COMMD1: variants seen among roughly 807,000 people sequenced by gnomAD.
The protein encoded by COMMD1 is COMM domain-containing protein 1.
Under a neutral mutation model 17.2 loss-of-function variants are expected in COMMD1, and 10 were observed. That is an observed-to-expected ratio of 0.58 (90% CI 0.36 to 0.99). The LOEUF (loss-of-function observed/expected upper bound fraction) is 0.99, where lower values mean the gene tolerates loss of function less well. Ranked by LOEUF, COMMD1 falls within the 50% of genes least tolerant of loss-of-function variation. The pLI, the probability that COMMD1 is intolerant of heterozygous loss-of-function variation, is 0.01. For missense variants in COMMD1, 270 were observed against 231.8 expected, an observed-to-expected ratio of 1.17 and a Z score of -1.07; for synonymous variants, 97 against 91.6, an observed-to-expected ratio of 1.06 and a Z score of -0.34.
At chr2:62,066,915 AG>A (rs1279411568) in intron 2 of COMMD1, among the ~76,000 whole-genome samples, 6 of 151,508 alleles carry the variant, frequency 4.0e-5, no homozygotes, top group African/African-American at 1.5e-4. Context: ...TAGTAGAGAC[AG>A]GGTTTCACCA....
At chr2:61,958,172 C>G (rs1311102469) in intron 1 of COMMD1, among the ~76,000 whole-genome samples, 1 of 151,948 alleles carries the variant, frequency 6.6e-6, no homozygotes, top group East Asian at 1.9e-4. Context: ...GATCCTCTTT[C>G]TCCTCCCACT....
intron 1 of COMMD1, among the ~76,000 whole-genome samples, chr2:61,919,540 C>A (rs550369845): frequency 6.9e-6 from 1 of 145,838 alleles, no homozygotes; most frequent in Non-Finnish European, 1.5e-5. Flanking sequence ...CAGGCTTCAT[C>A]GCGTTTTTTT....
At position 62,000,891 on chromosome 2, in the gene COMMD1, G is replaced by T; in HGVS notation, c.371G>T (p.Trp124Leu). 6.2e-7 allele frequency: 1 copy of T among 1,614,136 alleles called. No homozygotes were observed. The highest frequency in any genetic ancestry group is 8.5e-7 in the Non-Finnish European group (1 of 1,180,016). ...RWNSGLRGLS[W>L]RVDGKSQSRH... ...AATAGCGGGCTTCGGGGCCTGAGCTGGAGAGTTGATGGCAAGTCTCAGTCA... is the reference window on the plus strand; with the variant it reads ...AATAGCGGGCTTCGGGGCCTGAGCTTGAGAGTTGATGGCAAGTCTCAGTCA... Residue 124 changes from tryptophan to leucine, a missense_variant, in exon 2 of 3, where the codon TGG becomes TTG. By Grantham distance (61) the Trp-to-Leu change is moderately conservative (BLOSUM62 -2). Coordinates refer to ENST00000311832, the MANE Select transcript of COMMD1 (RefSeq NM_152516.4).
chr2:61,940,209 G>T (rs1670707140), intron 1 of COMMD1, among the ~76,000 whole-genome samples: 2 of 152,092 alleles, frequency 1.3e-5, no homozygotes. Context: ...TATTTTGTGG[G>T]CTAAGGCAAT....
chr2:62,061,554 C>CTTTTTTTTTTTTTTTTTT (rs57638195), intron 2 of COMMD1, among the ~76,000 whole-genome samples: 1 of 131,540 alleles, frequency 7.6e-6, no homozygotes. Context: ...TCTTTCTTTT[C>CTTTTTTTTTTTTTTTTTT]TTTTTTTTTT....
intron 2 of COMMD1, among the ~76,000 whole-genome samples, chr2:62,069,166 T>C (rs139381952): frequency 1.3e-5 from 2 of 152,294 alleles, no homozygotes; most frequent in East Asian, 3.9e-4. Context: ...ATTTTGGCTT[T>C]TTTTTTGTTT....
At position 62,080,307 on chromosome 2, in the gene COMMD1, A is replaced by G. The variant is rs1280867088; in HGVS notation, c.463-55524A>G. On this transcript the variant is annotated intron_variant, in intron 2 of 2. Transcript: ENST00000311832. ...GTCTCTACAAAAATAAAAAATAAAA[A>G]AAGAGATGAATACTGGCAATGTGCC... Among the ~76,000 whole-genome samples the G allele has an allele frequency of 2.0e-5, 3 of 152,318 alleles. No individual in the cohort carries two copies. The South Asian group carries it at 6.2e-4, about 32-fold the overall frequency.
intron 1 of COMMD1, among the ~76,000 whole-genome samples, chr2:61,966,600 A>G (rs935703784): frequency 2.0e-5 from 3 of 152,074 alleles, no homozygotes. Flanking sequence ...GTAATGTCCT[A>G]GGTCATCAGA....
At chr2:62,026,874 A>G (rs1669772413) in intron 2 of COMMD1, among the ~76,000 whole-genome samples, 1 of 152,220 alleles carries the variant, frequency 6.6e-6, no homozygotes, top group African/African-American at 2.4e-5. Context: ...AAACATATGT[A>G]TATGTGTATT....
At chr2:61,954,688 T>TC (rs1491400154) in intron 1 of COMMD1, among the ~76,000 whole-genome samples, 9 of 145,712 alleles carry the variant, frequency 6.2e-5, no homozygotes, top group African/African-American at 9.9e-5. Context: ...TCTCTCTCTC[T>TC]TTTTTTTTTT....
intron 1 of COMMD1, among the ~76,000 whole-genome samples, chr2:61,918,264 TTTAG>T (rs1457351140): frequency 1.3e-5 from 2 of 152,240 alleles, no homozygotes; most frequent in African/African-American, 4.8e-5. Flanking sequence ...ATATATTCCT[TTTAG>T]TTCTCTAGTT....
intron 2 of COMMD1, among the ~76,000 whole-genome samples, chr2:62,069,147 A>G (rs1263996215): frequency 6.6e-6 from 1 of 152,034 alleles, no homozygotes; most frequent in African/African-American, 2.4e-5. Context: ...TATTAACTTC[A>G]GATTTTTTAT....
intron 1 of COMMD1, among the ~76,000 whole-genome samples, chr2:61,970,350 G>A (rs559932518): frequency 1.4e-4 from 21 of 151,922 alleles, no homozygotes; most frequent in Admixed American, 2.6e-4. Context: ...AGGATATACA[G>A]TTGTCCCTTG....
chr2:62,025,294 G>A (rs559661754), intron 2 of COMMD1, among the ~76,000 whole-genome samples: 44 of 151,900 alleles, frequency 2.9e-4, no homozygotes, highest in African/African-American at 5.8e-4. Context: ...GGGAGGTTGA[G>A]GCAGGAGGAT....
intron 2 of COMMD1, among the ~76,000 whole-genome samples, chr2:62,009,624 A>T (rs917717011): frequency 6.6e-6 from 1 of 151,502 alleles, no homozygotes; most frequent in Non-Finnish European, 1.5e-5. Flanking sequence ...AAAAAGAAAG[A>T]ATAAGAAATT....
intron 1 of COMMD1, among the ~76,000 whole-genome samples, chr2:61,932,432 C>G (rs960829808): frequency 1.3e-5 from 2 of 152,138 alleles, no homozygotes; most frequent in African/African-American, 4.8e-5. Flanking sequence ...GAACCATTGG[C>G]TTTATATTCT....
At chr2:62,118,778 G>A (rs1015054362) in intron 2 of COMMD1, among the ~76,000 whole-genome samples, 1 of 152,214 alleles carries the variant, frequency 6.6e-6, no homozygotes, top group Admixed American at 6.5e-5. Flanking sequence ...TGCCAAAATG[G>A]GCTGGCAGAC....
chr2:61,935,027 A>G (rs530687631), intron 1 of COMMD1, among the ~76,000 whole-genome samples: 5 of 152,354 alleles, frequency 3.3e-5, no homozygotes, highest in South Asian at 4.1e-4. Context: ...GTGTTCAGTG[A>G]ACTTCCCGAG....
At chr2:61,956,750 G>T (rs1349192140) in intron 1 of COMMD1, among the ~76,000 whole-genome samples, 3 of 149,930 alleles carry the variant, frequency 2.0e-5, no homozygotes, top group South Asian at 2.1e-4. Context: ...AGTTTTTTTT[G>T]TTTGTTTGTT....
Sources: allele counts gnomAD v4.1 joint callset (sites outside exome capture counted in the v4.1 genomes callset), GRCh38; gene constraint gnomAD v4.1.1; transcripts MANE v1.5; gene names NCBI Gene and HGNC (gene_info 2026-07-23, HGNC 2026-07-21).